NPM3: variants seen among roughly 807,000 people sequenced by gnomAD.
NPM3 encodes nucleoplasmin-3.
Under a neutral mutation model 18.1 loss-of-function variants are expected in NPM3, and 12 were observed. That is an observed-to-expected ratio of 0.66 (90% CI 0.42 to 1.07). NPM3 has a LOEUF of 1.07. NPM3 is among the 50% of genes least tolerant of loss of function. NPM3 has a pLI of 0.00. For missense variants in NPM3, 274 were observed against 232.1 expected, an observed-to-expected ratio of 1.18 and a Z score of -1.17; for synonymous variants, 116 against 93.7, an observed-to-expected ratio of 1.24 and a Z score of -1.38.
chr10:101,783,032 A>C, intron 1 of NPM3, 108 bp from the exon 2 acceptor site: 1 of 978,220 alleles, frequency 1.0e-6, no homozygotes. Context: ...GGTCATTTAC[A>C]CGTCCACCTC....
At chr10:101,782,343 C>G (rs1487958979) in exon 4 of NPM3, 1 of 1,613,696 alleles carries the variant, frequency 6.2e-7, no homozygotes, top group East Asian at 2.2e-5. Context: ...GGAAGTCATC[C>G]AGACTGAGCT....
rs774468944 is a variant in NPM3 at position 101,781,764 on chromosome 10, G to A, written c.509C>T (p.Pro170Leu). The A allele has an allele frequency of 5.0e-6, 8 of 1,613,982 alleles. No homozygotes were observed. The Admixed American group carries it at 1.0e-4, about 20-fold the overall frequency. The change falls in exon 5 of 6, where the codon CCT (proline) becomes CTT (leucine). Residue 170 changes from proline to leucine, a missense_variant. Coordinates refer to ENST00000370110, the Ensembl canonical transcript of NPM3. Reference sequence around the variant, plus strand: ...GGGCCTGCCCCCCTGCTTTTTGGCAGGAAGGATGGGGCACAGCTCAACTTC... The same window carrying A: ...GGGCCTGCCCCCCTGCTTTTTGGCAAGAAGGATGGGGCACAGCTCAACTTC...
At chr10:101,781,880 G>C in intron 4 of NPM3, 26 bp from the exon 5 acceptor site, 1 of 1,614,132 alleles carries the variant, frequency 6.2e-7, no homozygotes, top group Non-Finnish European at 8.5e-7. Flanking sequence ...GCAGTAGAAG[G>C]ATGGGGTGTT....
chr10:101,782,884 CT>C lies in NPM3; in HGVS notation c.158del (p.Lys53ArgfsTer2), dbSNP rs1160621387. ...GCTCCGCATCATCCTCTTCCTCTAC[CT>C]TAAAGGTGAAGGAGCGGGTGTGGCC... On this transcript the variant is annotated frameshift_variant, in exon 2 of 6. Coordinates refer to ENST00000370110, the Ensembl canonical transcript of NPM3. LOFTEE classifies it high-confidence loss of function. 3.1e-6 allele frequency: 5 copies of C among 1,614,084 alleles called. No homozygotes were observed. The highest frequency in any genetic ancestry group is 4.2e-6 in the Non-Finnish European group (5 of 1,180,054).
chr10:101,782,448 C>T (rs775615848), intron 3 of NPM3, 30 bp downstream of exon 3: 20 of 1,604,312 alleles, frequency 1.2e-5, no homozygotes, highest in Non-Finnish European at 1.6e-5. Flanking sequence ...ACCACCACCA[C>T]CACCACCAAG....
exon 5 of NPM3, chr10:101,781,850 C>T (rs957126020): frequency 1.9e-6 from 3 of 1,614,038 alleles, no homozygotes; most frequent in Admixed American, 1.7e-5. Context: ...CATTGCTCAT[C>T]GTAACTGGTG....
At chr10:101,782,914 G>A (rs2065154004) in exon 2 of NPM3, 3 of 1,613,936 alleles carry the variant, frequency 1.9e-6, no homozygotes, top group South Asian at 2.2e-5. Context: ...TGTGGCCGGA[G>A]AGCTCACAGC....
chr10:101,781,685 C>A, intron 5 of NPM3, 42 bp downstream of exon 5: 2 of 1,602,922 alleles, frequency 1.2e-6, no homozygotes, highest in Non-Finnish European at 8.5e-7. Context: ...GCTTCTCCTG[C>A]CCCTTCCCAG....
chr10:101,781,717 C>T lies in NPM3; in HGVS notation c.*9+10G>A, dbSNP rs528704540. On this transcript the variant is annotated intron_variant, in intron 5 of 5. Transcript: ENST00000370110. ...CCAGAGCCTGCTAGGCACTTCTCCC[C>T]GCAACTCACCTAGGAGGGCTAGGGC... The T allele has an allele frequency of 8.7e-6, 14 of 1,612,532 alleles. No homozygotes were observed. The highest frequency in any genetic ancestry group is 8.4e-5 in the Admixed American group (5 of 59,642).
chr10:101,781,586 T>G, exon 6 of NPM3: 1 of 454,218 alleles, frequency 2.2e-6, no homozygotes, highest in African/African-American at 2.4e-5. Context: ...TTGTTGAAAC[T>G]TGTCAGGGAA....
chr10:101,781,998 C>T lies in NPM3; in HGVS notation c.419-144G>A, dbSNP rs778182794. On this transcript the variant is annotated intron_variant, in intron 4 of 5. Transcript: ENST00000370110. ...TGGGCTAGGTGGGAAGAACCTCAGA[C>T]CCTAAACTGGGTCACAAAGAGCCAA... 377 of 1,415,624 alleles carry T rather than the reference C, an allele frequency of 2.7e-4. 1 individual carries two copies. The highest frequency in any genetic ancestry group is 3.5e-4 in the Non-Finnish European group (357 of 1,028,034). The allele number at this position is 1,415,624 out of a possible 1,614,324, so 87.7% of individuals were successfully genotyped here.
chr10:101,781,980 G>T, intron 4 of NPM3, 126 bp from the exon 5 acceptor site: 2 of 1,508,732 alleles, frequency 1.3e-6, no homozygotes, highest in Admixed American at 1.9e-5. Flanking sequence ...TTATGGGCTA[G>T]GTGGGAAGAA....
intron 4 of NPM3, 43 bp downstream of exon 4, chr10:101,782,215 G>A: frequency 6.5e-7 from 1 of 1,529,192 alleles, no homozygotes; most frequent in Admixed American, 1.7e-5. Flanking sequence ...CCTGATGGGA[G>A]AGTCCACTGG....
chr10:101,782,130 G>A, intron 4 of NPM3, 128 bp downstream of exon 4: 1 of 930,152 alleles, frequency 1.1e-6, no homozygotes, highest in African/African-American at 1.6e-5. Flanking sequence ...GCACAGCGTG[G>A]AGGGCACACA....
chr10:101,782,891 G>C (rs747312987), exon 2 of NPM3: 2 of 1,614,050 alleles, frequency 1.2e-6, no homozygotes, highest in Admixed American at 1.7e-5. Flanking sequence ...TACCTTAAAG[G>C]TGAAGGAGCG....
At chr10:101,782,802 G>C (rs1170244934) in intron 2 of NPM3, 37 bp downstream of exon 2, 4 of 1,607,554 alleles carry the variant, frequency 2.5e-6, no homozygotes, top group Non-Finnish European at 3.4e-6. Flanking sequence ...TGCCTGCCTG[G>C]GCTTATTCAT....
chr10:101,783,186 C>T, intron 1 of NPM3, 87 bp downstream of exon 1: 2 of 1,072,516 alleles, frequency 1.9e-6, no homozygotes, highest in Non-Finnish European at 1.4e-6. Flanking sequence ...CGCCCACACC[C>T]ACGCCTTGAA....
Position 101,783,211 on chromosome 10 carries a change from C to T in NPM3, c.118+62G>A, listed in dbSNP as rs1277970810. 5.6e-6 allele frequency: 7 copies of T among 1,257,412 alleles called. No individual in the cohort carries two copies. In the African/African-American group the frequency reaches 1.1e-4, roughly 19 times the overall value. 77.9% of individuals were successfully genotyped at this position (1,257,412 alleles called of 1,614,324 possible). ...CACGCCTTGAAACCCTCCGCATTCC[C>T]GCCTCACATCCCTACCTCTTACCGC... On this transcript the variant is annotated intron_variant, in intron 1 of 5. Coordinates refer to ENST00000370110, the Ensembl canonical transcript of NPM3.
chr10:101,782,642 T>G (rs1002519707), intron 2 of NPM3, 45 bp from the exon 3 acceptor site: 12 of 1,611,350 alleles, frequency 7.4e-6, no homozygotes, highest in East Asian at 4.5e-5. Context: ...AAGTGAGGGT[T>G]GACACCACAA....
Sources: allele counts gnomAD v4.1 joint callset, GRCh38; gene constraint gnomAD v4.1.1; transcripts MANE v1.5; gene names NCBI Gene and HGNC (gene_info 2026-07-23, HGNC 2026-07-21).